OR6J1: variants seen among roughly 807,000 people sequenced by gnomAD.
OR6J1 encodes the protein olfactory receptor 6J1.
For synonymous variants in OR6J1, 109 were observed against 70.0 expected, an observed-to-expected ratio of 1.56 and a Z score of -2.78; for missense variants, 304 against 166.8, an observed-to-expected ratio of 1.82 and a Z score of -4.53.
At chr14:22,635,270 G>A (rs1185943347) in intron 1 of OR6J1, among the ~76,000 whole-genome samples, 1 of 152,098 alleles carries the variant, frequency 6.6e-6, no homozygotes, top group Non-Finnish European at 1.5e-5. Flanking sequence ...AATGGGAGAT[G>A]AAATAAACAA....
At chr14:22,640,391 T>C (rs2037636606) in intron 1 of OR6J1, among the ~76,000 whole-genome samples, 1 of 148,720 alleles carries the variant, frequency 6.7e-6, no homozygotes, top group African/African-American at 2.5e-5. Flanking sequence ...GGGAACAGTG[T>C]CCAAAGACAG....
chr14:22,641,459 AAGAAAGAAAAAG>A (rs2037650987), intron 1 of OR6J1, among the ~76,000 whole-genome samples: 20 of 122,176 alleles, frequency 1.6e-4, no homozygotes, highest in Admixed American at 3.2e-4. Flanking sequence ...GAAAGAAAGA[AAGAAAGAAAAAG>A]AAAGAAAGGA....
Position 22,633,697 on chromosome 14 carries a change from A to G in OR6J1, c.*71T>C. On this transcript the variant is annotated 3_prime_UTR_variant, in exon 2 of 2. Transcript: ENST00000540461. ...CGTTCAAGTCTCTGTCTCCGCAGTC[A>G]GTCTTTCCACTATAGACTATTCAGA... 1.7e-6 allele frequency: 1 copy of G among 602,954 alleles called. No individual in the cohort carries two copies. The highest frequency in any genetic ancestry group is 3.0e-6 in the Non-Finnish European group (1 of 338,752). 37.4% of individuals were successfully genotyped at this position (602,954 alleles called of 1,614,324 possible).
chr14:22,643,804 A>G (rs2037671324), intron 1 of OR6J1, among the ~76,000 whole-genome samples: 1 of 66,736 alleles, frequency 1.5e-5, no homozygotes, highest in Non-Finnish European at 3.6e-5. Flanking sequence ...GAGAGACAGC[A>G]GTTACTAAAT....
intron 1 of OR6J1, among the ~76,000 whole-genome samples, chr14:22,637,098 GC>G (rs1236320216): frequency 2.5e-5 from 3 of 118,658 alleles, no homozygotes; most frequent in African/African-American, 1.0e-4. Context: ...GCCTCTGCTG[GC>G]CGCAACCCTG....
At chr14:22,643,226 C>T (rs1455154960) in intron 1 of OR6J1, among the ~76,000 whole-genome samples, 1 of 151,982 alleles carries the variant, frequency 6.6e-6, no homozygotes, top group Non-Finnish European at 1.5e-5. Flanking sequence ...CCTCGGCCTC[C>T]CAAAGTGCTG....
intron 1 of OR6J1, among the ~76,000 whole-genome samples, chr14:22,643,756 CACACACACAGAG>C (rs1486040262): frequency 2.0e-3 from 149 of 73,102 alleles, no homozygotes; most frequent in African/African-American, 5.7e-3. Flanking sequence ...CACACACACA[CACACACACAGAG>C]AGAGAGAGAG....
At chr14:22,640,239 ATGG>A (rs1394160090) in intron 1 of OR6J1, among the ~76,000 whole-genome samples, 50 of 103,754 alleles carry the variant, frequency 4.8e-4, no homozygotes, top group Non-Finnish European at 7.1e-4. Flanking sequence ...GGAAGGAAGG[ATGG>A]AAGGAAGGAA....
chr14:22,641,687 A>G (rs1435097376), intron 1 of OR6J1, among the ~76,000 whole-genome samples: 1 of 152,138 alleles, frequency 6.6e-6, no homozygotes, highest in Non-Finnish European at 1.5e-5. Context: ...CCTGCGATTG[A>G]TGAAAGGTTG....
In OR6J1 at chr14:22,643,774, G is replaced by C. The variant is rs909533149; in HGVS notation, c.-28+324C>G. 3.4e-3 allele frequency among the ~76,000 whole-genome samples: 490 copies of C among 143,464 alleles called. 4 individuals carry two copies. The highest frequency in any genetic ancestry group is 0.012 in the African/African-American group (444 of 35,716). The allele number at this position is 143,464 out of a possible 152,430, so 94.1% of individuals were successfully genotyped here. A position where few individuals can be genotyped will look rare whatever the true frequency, so the allele number is the denominator to read the frequency against. On this transcript the variant is annotated intron_variant, in intron 1 of 1. Transcript: ENST00000540461. ...ACACACACACACACACAGAGAGAGA[G>C]AGAGAGAGAGAGAGAGAGAGAGAGA... is the stretch of plus-strand genomic sequence containing the variant.
rs1566397555 is a variant in OR6J1 at position 22,641,209 on chromosome 14, A to AGAAAG, written c.-28+2888_-28+2889insCTTTC. On this transcript the variant is annotated intron_variant, in intron 1 of 1. Transcript: ENST00000540461. ...AAGAGAGACAGAGAGGGAGAGAAAGATAAGAAAGAAAGAAAGAAAGAAAGA... is the reference window on the plus strand; with the variant it reads ...AAGAGAGACAGAGAGGGAGAGAAAGAGAAAGTAAGAAAGAAAGAAAGAAAGAAAGA... Among the ~76,000 whole-genome samples, 16 of 18,706 alleles carry AGAAAG rather than the reference A, an allele frequency of 8.6e-4. 1 individual carries two copies. The highest frequency in any genetic ancestry group is 1.4e-3 in the African/African-American group (3 of 2,216). 12.3% of individuals were successfully genotyped at this position (18,706 alleles called of 152,430 possible).
intron 1 of OR6J1, among the ~76,000 whole-genome samples, chr14:22,641,998 A>G (rs2037656432): frequency 6.6e-6 from 1 of 152,030 alleles, no homozygotes; most frequent in South Asian, 2.1e-4. Context: ...AAACAAGAAT[A>G]ATCTAGTAAA....
intron 1 of OR6J1, among the ~76,000 whole-genome samples, chr14:22,635,732 C>A (rs2037578969): frequency 6.6e-6 from 1 of 152,190 alleles, no homozygotes; most frequent in Non-Finnish European, 1.5e-5. Flanking sequence ...GGTACTGCTG[C>A]TTGTCCATAG....
chr14:22,639,226 G>C (rs2037622627), intron 1 of OR6J1, among the ~76,000 whole-genome samples: 1 of 122,004 alleles, frequency 8.2e-6, no homozygotes, highest in East Asian at 2.1e-4. Context: ...CGTCCGGGAG[G>C]GAGGTGGTGG....
At chr14:22,640,690 C>T (rs1466229131) in intron 1 of OR6J1, among the ~76,000 whole-genome samples, 1 of 150,862 alleles carries the variant, frequency 6.6e-6, no homozygotes, top group Non-Finnish European at 1.5e-5. Flanking sequence ...TGCGGTTTTG[C>T]CATTACTTTT....
At position 22,641,424 on chromosome 14, in the gene OR6J1, A is replaced by G. The variant is rs1388357462; in HGVS notation, c.-28+2674T>C. On this transcript the variant is annotated intron_variant, in intron 1 of 1. Transcript: ENST00000540461. ...AAGGAAGGATGGAAGGAAGGAAGAG[A>G]AAGAAAGAAAGAATGAAAGAGAGAG... Among the ~76,000 whole-genome samples, 2 of 54,972 alleles carry G rather than the reference A, an allele frequency of 3.6e-5. 1 individual carries two copies. Among genetic ancestry groups the G allele is most frequent in the Non-Finnish European group, 7.6e-5 (2 of 26,328 alleles). 36.1% of individuals were successfully genotyped at this position (54,972 alleles called of 152,430 possible). A position where few individuals can be genotyped will look rare whatever the true frequency, so the allele number is the denominator to read the frequency against.
chr14:22,635,097 T>C (rs1173502133), intron 1 of OR6J1, among the ~76,000 whole-genome samples: 1 of 152,182 alleles, frequency 6.6e-6, no homozygotes, highest in Non-Finnish European at 1.5e-5. Flanking sequence ...AATTTAGCAA[T>C]GTGTGTCAAA....
chr14:22,639,074 A>C (rs1193730990), intron 1 of OR6J1, among the ~76,000 whole-genome samples: 13 of 60,674 alleles, frequency 2.1e-4, no homozygotes, highest in South Asian at 5.8e-4. Flanking sequence ...AAGTGAGGAG[A>C]CCCTCTGCCT....
chr14:22,634,662 G>C lies in OR6J1; in HGVS notation c.150C>G (p.Ser50=), dbSNP rs2037571778. 1 of 741,590 alleles carries C rather than the reference G, an allele frequency of 1.3e-6. No individual in the cohort carries two copies. Among genetic ancestry groups the C allele is most frequent in the Non-Finnish European group, 2.5e-6 (1 of 402,098 alleles). The allele number at this position is 741,590 out of a possible 1,614,324, so 45.9% of individuals were successfully genotyped here. Residue 50 remains serine, a synonymous_variant, in exon 2 of 2, where the codon TCC becomes TCG. Coordinates refer to ENST00000540461, the MANE Select transcript of OR6J1 (RefSeq NM_001348233.2). ...ACATGGGGGTGTGGAGGCGGGAGCA[G>C]GACAGCACAGTGGAGATGATGAGCA... ...GNLLIISTVL[S]CSRLHTPMYF... is the part of the protein sequence containing the mutation.
Sources: gnomAD v4.1 joint callset for allele counts (sites outside exome capture counted in the v4.1 genomes callset) on GRCh38, gnomAD v4.1.1 for gene constraint, MANE v1.5 for transcripts, NCBI Gene and HGNC (gene_info 2026-07-23, HGNC 2026-07-21) for gene names.